The following FGF14 variants were observed in gnomAD, a reference collection of about 807,000 sequenced individuals.
FGF14 encodes the protein fibroblast growth factor homologous factor 4.
FGF14 carries 5 observed loss-of-function variants against 25.5 expected under a neutral mutation model. The ratio of observed to expected loss-of-function variants is 0.20; its 90% CI spans 0.10 to 0.41. The LOEUF is 0.41. Among genes scored for constraint, FGF14 ranks in the 10% least tolerant of loss-of-function variants. FGF14 has a pLI of 1.00. For missense variants in FGF14, 222 were observed against 320.1 expected, an observed-to-expected ratio of 0.69 and a Z score of 2.34; for synonymous variants, 138 against 118.3, an observed-to-expected ratio of 1.17 and a Z score of -1.08.
chr13:102,055,647 C>T (rs1453778133), intron 1 of FGF14, among the ~76,000 whole-genome samples: 4 of 152,170 alleles, frequency 2.6e-5, no homozygotes, highest in African/African-American at 9.7e-5. Context: ...AGGAGACATG[C>T]GTACTTCTGC....
intron 3 of FGF14, among the ~76,000 whole-genome samples, chr13:101,773,761 C>G (rs997975950): frequency 2.7e-5 from 4 of 150,810 alleles, no homozygotes; most frequent in Non-Finnish European, 5.9e-5. Flanking sequence ...AGTTAATGGT[C>G]TGTTAATTTG....
chr13:101,863,336 AC>A (rs1594525538), intron 3 of FGF14, among the ~76,000 whole-genome samples: 2 of 152,138 alleles, frequency 1.3e-5, no homozygotes. Context: ...AGGATGAGCA[AC>A]CCTCAAATGC....
intron 3 of FGF14, among the ~76,000 whole-genome samples, chr13:101,749,277 T>C (rs1171276022): frequency 6.6e-6 from 1 of 151,888 alleles, no homozygotes; most frequent in African/African-American, 2.4e-5. Context: ...CATTTAAAAA[T>C]GGAAAGATTA....
chr13:101,943,998 CAAAAA>C (rs58695952), intron 1 of FGF14, among the ~76,000 whole-genome samples: 12 of 85,398 alleles, frequency 1.4e-4, no homozygotes, highest in African/African-American at 3.1e-4. Context: ...AACTCCGTCT[CAAAAA>C]AAAAAAAAAA....
chr13:102,106,323 C>T (rs2044911080), intron 1 of FGF14, among the ~76,000 whole-genome samples: 1 of 152,072 alleles, frequency 6.6e-6, no homozygotes, highest in South Asian at 2.1e-4. Flanking sequence ...GTAATCCCAG[C>T]ATTTTGGGAG....
chr13:102,286,020 T>C (rs2054078645), intron 1 of FGF14, among the ~76,000 whole-genome samples: 1 of 152,194 alleles, frequency 6.6e-6, no homozygotes, highest in Non-Finnish European at 1.5e-5. Context: ...GGAATTTATA[T>C]CCAGAACCAT....
chr13:102,350,907 A>G (rs139070519), intron 1 of FGF14, among the ~76,000 whole-genome samples: 171 of 152,290 alleles, frequency 1.1e-3, no homozygotes, highest in Non-Finnish European at 2.2e-3. Flanking sequence ...ACCAAACTCC[A>G]GGTCATTCCA....
At chr13:101,810,197 C>A (rs1162666016) in intron 3 of FGF14, among the ~76,000 whole-genome samples, 1 of 152,158 alleles carries the variant, frequency 6.6e-6, no homozygotes. Flanking sequence ...ATAGTGTTTT[C>A]TAGTTCGCTG....
intron 1 of FGF14, among the ~76,000 whole-genome samples, chr13:102,235,854 GT>G (rs1421611955): frequency 6.6e-6 from 1 of 152,164 alleles, no homozygotes; most frequent in African/African-American, 2.4e-5. Context: ...GGCACAGGAT[GT>G]TTACAATTCA....
At chr13:102,385,391 G>C (rs1431836356) in intron 1 of FGF14, among the ~76,000 whole-genome samples, 1 of 152,108 alleles carries the variant, frequency 6.6e-6, no homozygotes, top group African/African-American at 2.4e-5. Flanking sequence ...GTAATAGCTG[G>C]TTATACTGTA....
intron 3 of FGF14, among the ~76,000 whole-genome samples, chr13:101,859,437 T>C (rs2044295035): frequency 6.6e-6 from 1 of 152,128 alleles, no homozygotes; most frequent in Non-Finnish European, 1.5e-5. Flanking sequence ...AACCACAATT[T>C]TTAACTTATC....
At chr13:102,275,236 C>CTT (rs1379300938) in intron 1 of FGF14, among the ~76,000 whole-genome samples, 1 of 88,806 alleles carries the variant, frequency 1.1e-5, no homozygotes, top group African/African-American at 5.2e-5. Flanking sequence ...AGGCAGATTT[C>CTT]TCTCTCTCTC....
chr13:101,889,220 T>C (rs1314986323), intron 1 of FGF14, among the ~76,000 whole-genome samples: 4 of 151,602 alleles, frequency 2.6e-5, no homozygotes, highest in African/African-American at 7.3e-5. Flanking sequence ...AGCAGACTAA[T>C]AGAGGAATTG....
At chr13:102,126,210 C>A (rs930053075) in intron 1 of FGF14, among the ~76,000 whole-genome samples, 3 of 152,176 alleles carry the variant, frequency 2.0e-5, no homozygotes, top group African/African-American at 7.2e-5. Flanking sequence ...ACCCATTAAG[C>A]AAGAACTCCC....
chr13:102,080,122 A>G (rs983886918), intron 1 of FGF14, among the ~76,000 whole-genome samples: 2 of 152,192 alleles, frequency 1.3e-5, no homozygotes, highest in African/African-American at 4.8e-5. Flanking sequence ...GTGTCTGTGT[A>G]GAGGCCTGAT....
intron 1 of FGF14, among the ~76,000 whole-genome samples, chr13:102,050,849 G>A (rs1039035419): frequency 6.6e-6 from 1 of 152,188 alleles, no homozygotes; most frequent in Non-Finnish European, 1.5e-5. Flanking sequence ...CCAGGAGACT[G>A]CTAGGACCAA....
At chr13:102,213,640 T>A (rs1306063610) in intron 1 of FGF14, among the ~76,000 whole-genome samples, 1 of 152,138 alleles carries the variant, frequency 6.6e-6, no homozygotes, top group Non-Finnish European at 1.5e-5. Flanking sequence ...AAGCAATAAA[T>A]CAGGGAGATG....
chr13:102,208,685 T>C (rs986119167), intron 1 of FGF14, among the ~76,000 whole-genome samples: 2 of 152,332 alleles, frequency 1.3e-5, no homozygotes, highest in Non-Finnish European at 2.9e-5. Context: ...CATTTTAAAA[T>C]GTGAGTATAT....
At chr13:102,369,966 T>C (rs1037131990) in intron 1 of FGF14, among the ~76,000 whole-genome samples, 3 of 152,172 alleles carry the variant, frequency 2.0e-5, no homozygotes, top group African/African-American at 4.8e-5. Context: ...TTACCCAGCA[T>C]TGAATTCTTT....
Sources: allele counts gnomAD v4.1 joint callset (sites outside exome capture counted in the v4.1 genomes callset), GRCh38; gene constraint gnomAD v4.1.1; transcripts MANE v1.5; gene names NCBI Gene and HGNC (gene_info 2026-07-23, HGNC 2026-07-21).